Variants in SLC8A1 observed in about 807,000 individuals in gnomAD.
SLC8A1 encodes sodium/calcium exchanger 1.
A neutral mutation model predicts 68.3 loss-of-function variants in SLC8A1; 18 were observed. The ratio of observed to expected loss-of-function variants is 0.26; its 90% CI spans 0.18 to 0.39. The LOEUF (loss-of-function observed/expected upper bound fraction) is 0.39. Ranked by LOEUF, SLC8A1 falls within the 10% of genes least tolerant of loss-of-function variation. The pLI is 1.00. For missense variants in SLC8A1, 985 were observed against 1,156.7 expected (o/e 0.85, Z 2.15); for synonymous variants, 475 against 415.5 (o/e 1.14, Z -1.74).
exon 8 of SLC8A1, chr2:40,109,693 G>A (rs889399672): frequency 6.6e-5 from 10 of 152,116 alleles, no homozygotes; most frequent in South Asian, 2.1e-4. Context: ...AGTAGTCACC[G>A]AAGAACTGCA....
intron 2 of SLC8A1, among the ~76,000 whole-genome samples, chr2:40,411,798 C>T (rs755477690): frequency 3.0e-4 from 45 of 151,848 alleles, no homozygotes; most frequent in Non-Finnish European, 5.4e-4. Flanking sequence ...TAAAAAGTAG[C>T]CATCTCTGGT....
rs553371492 is a variant in SLC8A1 at position 40,178,295 on chromosome 2, C to T, written c.1809-440G>A. 8 of 911,880 alleles carry T rather than the reference C, an allele frequency of 8.8e-6. No homozygotes were observed. In the East Asian group the frequency reaches 1.7e-4, roughly 19 times the overall value. The allele number at this position is 911,880 out of a possible 1,614,324, so 56.5% of individuals were successfully genotyped here. On this transcript the variant is annotated intron_variant, in intron 2 of 7. Coordinates refer to ENST00000406785, the Ensembl canonical transcript of SLC8A1. ...TGTTACATAGGTGGAGGGATGTGTGCATTGTAAGTCATGTTCTGAAGAGTG... is the reference window on the plus strand; with the variant it reads ...TGTTACATAGGTGGAGGGATGTGTGTATTGTAAGTCATGTTCTGAAGAGTG...
intron 2 of SLC8A1, among the ~76,000 whole-genome samples, chr2:40,249,233 T>C (rs750852429): frequency 3.9e-5 from 6 of 152,214 alleles, no homozygotes; most frequent in Non-Finnish European, 8.8e-5. Context: ...GAGTCTCTGT[T>C]ATGATGTCTA....
At chr2:40,138,389 C>CATT in intron 7 of SLC8A1, among the ~76,000 whole-genome samples, 1 of 152,294 alleles carries the variant, frequency 6.6e-6, no homozygotes, top group Non-Finnish European at 1.5e-5. Context: ...TGAATAGCAC[C>CATT]ATTAGCACAG....
At position 40,403,508 on chromosome 2, in the gene SLC8A1, G is replaced by C. The variant is rs147942572; in HGVS notation, c.1808+24965C>G. ...TACTGACCACAATGGGAGAGCTTAG[G>C]TATTTGCCCACACTTTCCCTGCAGG... is the stretch of plus-strand genomic sequence containing the variant. On this transcript the variant is annotated intron_variant, in intron 2 of 7. Coordinates refer to ENST00000406785, the Ensembl canonical transcript of SLC8A1. Among the ~76,000 whole-genome samples the C allele has an allele frequency of 4.0e-3, 606 of 152,280 alleles. 1 individual carries two copies. Among genetic ancestry groups the C allele is most frequent in the Non-Finnish European group, 6.6e-3 (446 of 68,026 alleles).
intron 2 of SLC8A1, among the ~76,000 whole-genome samples, chr2:40,418,787 C>T (rs1694634938): frequency 6.6e-6 from 1 of 152,206 alleles, no homozygotes; most frequent in South Asian, 2.1e-4. Flanking sequence ...TGGTCTCCAT[C>T]AGAGAGGGCA....
chr2:40,510,587 G>A (rs1576692690), intron 1 of SLC8A1, among the ~76,000 whole-genome samples: 1 of 152,096 alleles, frequency 6.6e-6, no homozygotes, highest in South Asian at 2.1e-4. Flanking sequence ...CTGGTATATA[G>A]TGTTTAATTA....
At chr2:40,480,837 C>G (rs1478294181) in intron 1 of SLC8A1, among the ~76,000 whole-genome samples, 1 of 152,198 alleles carries the variant, frequency 6.6e-6, no homozygotes, top group Non-Finnish European at 1.5e-5. Context: ...AATTCTGAGT[C>G]ACTGCATCAG....
At chr2:40,097,589 ATGTT>A (rs1373047691) in exon 8 of SLC8A1, 2 of 152,020 alleles carry the variant, frequency 1.3e-5, no homozygotes, top group African/African-American at 4.8e-5. Context: ...CATTTATTGT[ATGTT>A]TGTTAGGACA....
chr2:40,288,811 C>T (rs560294795), intron 2 of SLC8A1, among the ~76,000 whole-genome samples: 21 of 142,206 alleles, frequency 1.5e-4, no homozygotes, highest in Admixed American at 6.1e-4. Context: ...TACTTTACTT[C>T]GAAAATGTCT....
At chr2:40,097,861 A>G (rs2033666469) in exon 8 of SLC8A1, 1 of 151,972 alleles carries the variant, frequency 6.6e-6, no homozygotes, top group Admixed American at 6.6e-5. Flanking sequence ...GTTGTACATA[A>G]CCTCAGGAAT....
At chr2:40,107,297 A>AAAAAAAAAAAAAAC (rs2034274554) in exon 8 of SLC8A1, 1 of 144,544 alleles carries the variant, frequency 6.9e-6, no homozygotes, top group African/African-American at 2.5e-5. Context: ...AAAAAAAAAA[A>AAAAAAAAAAAAAAC]AAGAAAATGC....
At position 40,484,542 on chromosome 2, in the gene SLC8A1, C is replaced by A. The variant is rs919303580; in HGVS notation, c.-25+27807G>T. On this transcript the variant is annotated intron_variant, in intron 1 of 7. Coordinates refer to the SLC8A1 transcript ENST00000402441. ...CGCATAAATAGCACCCCTTAGCACT[C>A]CCTGTTGCTATCACCCGAATCTAAC... 1.2e-4 allele frequency among the ~76,000 whole-genome samples: 19 copies of A among 152,342 alleles called. No homozygotes were observed. The South Asian group carries it at 2.3e-3, about 18-fold the overall frequency.
At chr2:40,300,663 C>T (rs565475502) in intron 2 of SLC8A1, among the ~76,000 whole-genome samples, 10 of 152,212 alleles carry the variant, frequency 6.6e-5, no homozygotes, top group Admixed American at 3.9e-4. Flanking sequence ...AGAACTTGAG[C>T]TCAGATTTTG....
intron 1 of SLC8A1, among the ~76,000 whole-genome samples, chr2:40,438,413 G>A (rs376872771): frequency 6.1e-4 from 93 of 152,206 alleles, no homozygotes; most frequent in Middle Eastern, 3.4e-3. Context: ...TATGTTTCTA[G>A]TTCTAGAGGC....
upstream of SLC8A1, among the ~76,000 whole-genome samples, chr2:40,456,043 G>A (rs757419051): frequency 2.0e-5 from 3 of 152,160 alleles, no homozygotes; most frequent in Non-Finnish European, 2.9e-5. Context: ...TGGGCTGGGC[G>A]CGGTGGCTCA....
At chr2:40,408,989 T>G (rs1691273985) in intron 2 of SLC8A1, among the ~76,000 whole-genome samples, 1 of 152,078 alleles carries the variant, frequency 6.6e-6, no homozygotes. Flanking sequence ...ATGAAAAAAG[T>G]TGTAACTATA....
chr2:40,433,142 A>G (rs527544005), intron 1 of SLC8A1, among the ~76,000 whole-genome samples: 4 of 152,202 alleles, frequency 2.6e-5, no homozygotes, highest in Admixed American at 1.3e-4. Context: ...TGAAATTCCT[A>G]AAGTGCAGAT....
intron 1 of SLC8A1, among the ~76,000 whole-genome samples, chr2:40,435,659 T>A (rs898614056): frequency 6.6e-6 from 1 of 152,150 alleles, no homozygotes; most frequent in African/African-American, 2.4e-5. Flanking sequence ...AGGTAGGCAA[T>A]GTGGTCACAA....
Sources: gnomAD v4.1 joint callset for allele counts (sites outside exome capture counted in the v4.1 genomes callset) on GRCh38, gnomAD v4.1.1 for gene constraint, MANE v1.5 for transcripts, NCBI Gene and HGNC (gene_info 2026-07-23, HGNC 2026-07-21) for gene names.